YIPF4: variants seen among roughly 807,000 people sequenced by gnomAD.
YIPF4 encodes protein YIPF4.
In YIPF4, 18 loss-of-function variants were observed where a neutral mutation model predicts 29.4. The ratio of observed to expected loss-of-function variants is 0.61; its 90% CI spans 0.42 to 0.91. YIPF4 has a LOEUF of 0.91. Among genes scored for constraint, YIPF4 ranks in the 40% least tolerant of loss-of-function variants. YIPF4 has a pLI of 0.00. For synonymous variants in YIPF4, 115 were observed against 104.7 expected, an observed-to-expected ratio of 1.10 and a Z score of -0.60; for missense variants, 279 against 282.7, an observed-to-expected ratio of 0.99 and a Z score of 0.09.
Position 32,305,646 on chromosome 2 carries a change from G to T in YIPF4, c.*20G>T. ...GTGTGATCCAAGTTATACATGAATA[G>T]AAAAAGATGGTGTTAAATTTGTGTG... On this transcript the variant is annotated 3_prime_UTR_variant, in exon 6 of 6. Coordinates refer to ENST00000238831, the MANE Select transcript of YIPF4 (RefSeq NM_032312.4). 1 of 1,536,236 alleles carries T rather than the reference G, an allele frequency of 6.5e-7. No homozygotes were observed. Among genetic ancestry groups the T allele is most frequent in the Non-Finnish European group, 8.7e-7 (1 of 1,144,870 alleles).
chr2:32,286,427 T>G (rs1183418169), intron 1 of YIPF4, among the ~76,000 whole-genome samples: 1 of 152,212 alleles, frequency 6.6e-6, no homozygotes, highest in Non-Finnish European at 1.5e-5. Context: ...TTACAGAATT[T>G]AATTATTTAC....
chr2:32,293,727 C>G (rs1480586514), intron 3 of YIPF4, among the ~76,000 whole-genome samples: 5 of 150,972 alleles, frequency 3.3e-5, no homozygotes, highest in African/African-American at 9.8e-5. Context: ...GGGCTGACCC[C>G]CCAACCTCCC....
chr2:32,312,539 C>T lies in YIPF4; in HGVS notation c.*6913C>T, dbSNP rs542672460. On this transcript the variant is annotated 3_prime_UTR_variant, in exon 6 of 6. Coordinates refer to ENST00000238831, the MANE Select transcript of YIPF4 (RefSeq NM_032312.4). ...AAAAAATTATTTTCAAAGGATTGTG[C>T]TAGTGGTGGCCTGAATAATAAAACA... The T allele has an allele frequency of 8.0e-4, 107 of 134,580 alleles. No individual in the cohort carries two copies. Among genetic ancestry groups the T allele is most frequent in the African/African-American group, 2.9e-3 (105 of 35,688 alleles). 8.3% of individuals were successfully genotyped at this position (134,580 alleles called of 1,614,324 possible).
At chr2:32,280,662 G>C (rs1366740849) in intron 1 of YIPF4, among the ~76,000 whole-genome samples, 1 of 152,012 alleles carries the variant, frequency 6.6e-6, no homozygotes, top group Non-Finnish European at 1.5e-5. Flanking sequence ...GATTACAGGC[G>C]TGAGCCACCG....
intron 2 of YIPF4, among the ~76,000 whole-genome samples, chr2:32,291,476 G>A (rs563533941): frequency 1.3e-5 from 2 of 152,270 alleles, no homozygotes; most frequent in African/African-American, 4.8e-5. Flanking sequence ...CCCAGGAGAC[G>A]GAGGTTGCAG....
At chr2:32,292,135 A>G in intron 2 of YIPF4, 42 bp from the exon 3 acceptor site, 1 of 1,310,394 alleles carries the variant, frequency 7.6e-7, no homozygotes. Context: ...TTTAGTATTC[A>G]GAAATGTGTG....
At chr2:32,297,942 A>AG (rs897538245) in intron 3 of YIPF4, among the ~76,000 whole-genome samples, 3 of 151,590 alleles carry the variant, frequency 2.0e-5, no homozygotes, top group Non-Finnish European at 4.4e-5. Context: ...GCTGTAAGAC[A>AG]GGGGGTTGAT....
intron 1 of YIPF4, among the ~76,000 whole-genome samples, chr2:32,283,587 C>T (rs1488126455): frequency 6.6e-6 from 1 of 152,180 alleles, no homozygotes; most frequent in Admixed American, 6.5e-5. Flanking sequence ...GTAAAACTTG[C>T]TTTAACTGTC....
chr2:32,286,553 A>AT (rs915359920), intron 1 of YIPF4, among the ~76,000 whole-genome samples: 158 of 148,258 alleles, frequency 1.1e-3, no homozygotes, highest in African/African-American at 2.2e-3. Context: ...TGAAAAAAAC[A>AT]TTTTTTTTTT....
At chr2:32,281,326 C>G (rs1162820090) in intron 1 of YIPF4, among the ~76,000 whole-genome samples, 1 of 151,904 alleles carries the variant, frequency 6.6e-6, no homozygotes, top group Non-Finnish European at 1.5e-5. Context: ...ACTGCAATCT[C>G]CACCTCCTGG....
rs371242862 is a variant in YIPF4, at chr2:32,305,440, A to G, written c.598-49A>G. 9 of 1,421,830 alleles carry G rather than the reference A, an allele frequency of 6.3e-6. No individual in the cohort carries two copies. In the Admixed American group the frequency reaches 1.6e-4, roughly 25 times the overall value. 88.1% of individuals were successfully genotyped at this position (1,421,830 alleles called of 1,614,324 possible). ...TTTACTCTATGATATCCAAAAAGTT[A>G]ATTGACTTGCTAATATGCTGCCTTT... On this transcript the variant is annotated intron_variant, in intron 5 of 5. Transcript: ENST00000238831.
Position 32,313,328 on chromosome 2 carries a change from A to G in YIPF4, c.*7702A>G, listed in dbSNP as rs958493989. ...TAGTGGTTAATGAAATTGAACAGGT[A>G]TGTCAGCACCATACCTGACATTCTA... On this transcript the variant is annotated 3_prime_UTR_variant, in exon 6 of 6. Transcript: ENST00000238831. The G allele has an allele frequency of 3.9e-5, 6 of 152,204 alleles. No homozygotes were observed. Among genetic ancestry groups the G allele is most frequent in the African/African-American group, 1.4e-4 (6 of 41,450 alleles). The allele number at this position is 152,204 out of a possible 1,614,324, so 9.4% of individuals were successfully genotyped here. A position where few individuals can be genotyped will look rare whatever the true frequency, so the allele number is the denominator to read the frequency against.
At position 32,278,085 on chromosome 2, in the gene YIPF4, G is replaced by T; in HGVS notation, c.-71G>T. Reference sequence around the variant, plus strand: ...CCGTAGGGCGAGCGTGCGGGTCGCCGCCGCGGCCGCCTCGGGGTCTGGGCC... The same window carrying T: ...CCGTAGGGCGAGCGTGCGGGTCGCCTCCGCGGCCGCCTCGGGGTCTGGGCC... On this transcript the variant is annotated 5_prime_UTR_variant, in exon 1 of 6. Transcript: ENST00000238831. 7.1e-7 allele frequency: 1 copy of T among 1,401,242 alleles called. No individual in the cohort carries two copies. Among genetic ancestry groups the T allele is most frequent in the East Asian group, 2.7e-5 (1 of 36,786 alleles). 86.8% of individuals were successfully genotyped at this position (1,401,242 alleles called of 1,614,324 possible). A position where few individuals can be genotyped will look rare whatever the true frequency, so the allele number is the denominator to read the frequency against.
At chr2:32,281,123 G>A (rs2030388730) in intron 1 of YIPF4, among the ~76,000 whole-genome samples, 1 of 151,980 alleles carries the variant, frequency 6.6e-6, no homozygotes. Context: ...ATTTCCTCAG[G>A]AGACATATAG....
chr2:32,310,485 C>G lies in YIPF4; in HGVS notation c.*4859C>G, dbSNP rs956050330. On this transcript the variant is annotated 3_prime_UTR_variant, in exon 6 of 6. Transcript: ENST00000238831. ...ACCCATACTCAAGTCTCACAGTCTT[C>G]CCTGCAGAATCCAAGTATACAAAAA... 1 of 152,172 alleles carries G rather than the reference C, an allele frequency of 6.6e-6. No individual in the cohort carries two copies. The highest frequency in any genetic ancestry group is 2.4e-5 in the African/African-American group (1 of 41,428). 9.4% of individuals were successfully genotyped at this position (152,172 alleles called of 1,614,324 possible).
Position 32,307,069 on chromosome 2 carries a change from T to C in YIPF4, c.*1443T>C. On this transcript the variant is annotated 3_prime_UTR_variant, in exon 6 of 6. Transcript: ENST00000238831. ...GGAGCACTTTTGAGCTAGAATAATG[T>C]AGAAAATTACATGTACTGATTTTTT... 1.6e-6 allele frequency: 2 copies of C among 1,265,044 alleles called. No individual in the cohort carries two copies. The highest frequency in any genetic ancestry group is 1.6e-5 in the African/African-American group (1 of 63,644). The allele number at this position is 1,265,044 out of a possible 1,614,324, so 78.4% of individuals were successfully genotyped here. A position where few individuals can be genotyped will look rare whatever the true frequency, so the allele number is the denominator to read the frequency against.
chr2:32,280,008 C>T (rs564457825), intron 1 of YIPF4, among the ~76,000 whole-genome samples: 62 of 149,548 alleles, frequency 4.1e-4, no homozygotes, highest in South Asian at 8.5e-4. Context: ...GTGATCCTCC[C>T]GCTTCAGTCT....
At chr2:32,303,200 C>G (rs1307132710) in intron 5 of YIPF4, among the ~76,000 whole-genome samples, 2 of 152,122 alleles carry the variant, frequency 1.3e-5, no homozygotes, top group Non-Finnish European at 2.9e-5. Context: ...GAAACTCCAT[C>G]TCTACAAAAT....
chr2:32,279,439 C>G (rs927291823), intron 1 of YIPF4, among the ~76,000 whole-genome samples: 1 of 138,864 alleles, frequency 7.2e-6, no homozygotes, highest in Non-Finnish European at 1.5e-5. Context: ...GCTCTGTCGC[C>G]CAGGCTGGAG....
Sources: gnomAD v4.1 joint callset for allele counts (sites outside exome capture counted in the v4.1 genomes callset) on GRCh38, gnomAD v4.1.1 for gene constraint, MANE v1.5 for transcripts, NCBI Gene and HGNC (gene_info 2026-07-23, HGNC 2026-07-21) for gene names.